Variants in ABHD16B observed in about 807,000 individuals in gnomAD.
ABHD16B encodes abhydrolase domain-containing protein 16B.
ABHD16B carries 14 observed loss-of-function variants against 10.5 expected under a neutral mutation model. The observed-to-expected ratio is 1.33, with a 90% CI of 0.88 to 2.08. ABHD16B has a LOEUF of 2.08. Ranked by LOEUF, ABHD16B falls within the 30% of genes most tolerant of loss-of-function variation. The pLI is 0.00. For missense variants in ABHD16B, 763 were observed against 717.4 expected, an observed-to-expected ratio of 1.06 and a Z score of -0.73; for synonymous variants, 374 against 337.9, an observed-to-expected ratio of 1.11 and a Z score of -1.17.
Position 63,862,322 on chromosome 20 carries a change from C to T in ABHD16B, c.782C>T (p.Pro261Leu), listed in dbSNP as rs1318817385. 1 of 1,612,272 alleles carries T rather than the reference C, an allele frequency of 6.2e-7. No homozygotes were observed. The highest frequency in any genetic ancestry group is 1.7e-5 in the Admixed American group (1 of 59,986). ...FTATWATMTYPELGALVLDAT... is the reference protein window; with the variant it reads ...FTATWATMTYLELGALVLDAT... ...GCCACCTGGGCCACCATGACCTACC[C>T]GGAGCTGGGTGCACTGGTGCTGGAC... Residue 261 changes from proline to leucine, a missense_variant, in exon 1 of 1, where the codon CCG becomes CTG. Pro to Leu is a moderately conservative substitution (Grantham distance 98). Coordinates refer to ENST00000369916, the MANE Select transcript of ABHD16B (RefSeq NM_080622.4). The surrounding 1 kb of genome is among the most constrained non-coding windows in gnomAD (Gnocchi z 7.5).
chr20:63,862,422 C>A lies in ABHD16B; in HGVS notation c.882C>A (p.Thr294=). The A allele has an allele frequency of 6.3e-7, 1 of 1,583,706 alleles. No homozygotes were observed. The highest frequency in any genetic ancestry group is 2.3e-5 in the East Asian group (1 of 43,418). ...GTTGGAAGGGGCTGGTGGTGCGCAC[C>A]GTGCGCGAGCACTTCAACCTCAACG... is the stretch of plus-strand genomic sequence containing the variant. The part of the protein sequence containing the change: ...PHSWKGLVVR[T]VREHFNLNVA... The change falls in exon 1 of 1, where the codon ACC becomes ACA. Residue 294 remains threonine, a synonymous_variant. Coordinates refer to ENST00000369916, the MANE Select transcript of ABHD16B (RefSeq NM_080622.4). This position sits in a 1 kb window ranked among gnomAD's most constrained non-coding sequence, Gnocchi z 7.5.
At position 63,862,168 on chromosome 20, in the gene ABHD16B, A is replaced by T; in HGVS notation, c.628A>T (p.Ser210Cys). 3 of 1,611,410 alleles carry T rather than the reference A, an allele frequency of 1.9e-6. No homozygotes were observed. Among genetic ancestry groups the T allele is most frequent in the Non-Finnish European group, 2.5e-6 (3 of 1,179,658 alleles). The change falls in exon 1 of 1, where the codon AGC becomes TGC. Residue 210 changes from serine (S) to cysteine (C), a missense_variant. Coordinates refer to ENST00000369916, the MANE Select transcript of ABHD16B (RefSeq NM_080622.4). The surrounding 1 kb of genome is among the most constrained non-coding windows in gnomAD (Gnocchi z 7.5). ...CTGGAACCACCCCGGCTTCGGCAGC[A>T]GCACTGGCGTGCCCTTCCCTCAGCA... ...LGWNHPGFGS[S>C]TGVPFPQHDA...
Position 63,862,000 on chromosome 20 carries a change from G to A in ABHD16B, c.460G>A (p.Asp154Asn), listed in dbSNP as rs150896612. The A allele has an allele frequency of 5.6e-6, 9 of 1,600,830 alleles. No homozygotes were observed. The highest frequency in any genetic ancestry group is 7.6e-6 in the Non-Finnish European group (9 of 1,177,630). The change falls in exon 1 of 1, where the codon GAC (aspartate) becomes AAC (asparagine). Residue 154 changes from aspartate to asparagine, a missense_variant. Coordinates refer to ENST00000369916, the MANE Select transcript of ABHD16B (RefSeq NM_080622.4). This position sits in a 1 kb window ranked among gnomAD's most constrained non-coding sequence, Gnocchi z 5.4. ...KLVACDGNEIDTMFMDRRQHP... is the reference protein window; with the variant it reads ...KLVACDGNEINTMFMDRRQHP... Reference sequence around the variant, plus strand: ...GGTGGCCTGTGACGGCAACGAGATCGACACTATGTTCATGGACCGCCGCCA... The same window carrying A: ...GGTGGCCTGTGACGGCAACGAGATCAACACTATGTTCATGGACCGCCGCCA...
Position 63,861,674 on chromosome 20 carries a change from G to T in ABHD16B, c.134G>T (p.Ser45Ile). ...GACGTGCGCGCCGTGGGCCGGAGCA[G>T]CAGCCACCGGGCGCTGACCTGCGCG... ...WDDVRAVGRSSSHRALTCAAA... is the reference protein window; with the variant it reads ...WDDVRAVGRSISHRALTCAAA... The change falls in exon 1 of 1, where the codon AGC (serine) becomes ATC (isoleucine). Residue 45 changes from serine to isoleucine, a missense_variant. Physicochemically the swap from Ser to Ile is moderately radical, Grantham distance 142. Transcript: ENST00000369916. This position sits in a 1 kb window ranked among gnomAD's most constrained non-coding sequence, Gnocchi z 5.4. 1 of 1,533,874 alleles carries T rather than the reference G, an allele frequency of 6.5e-7. No individual in the cohort carries two copies. The highest frequency in any genetic ancestry group is 2.5e-5 in the East Asian group (1 of 40,326).
chr20:63,861,613 C>T lies in ABHD16B; in HGVS notation c.73C>T (p.Pro25Ser), dbSNP rs1206692710. 1 of 1,555,106 alleles carries T rather than the reference C, an allele frequency of 6.4e-7. No homozygotes were observed. The highest frequency in any genetic ancestry group is 2.4e-5 in the East Asian group (1 of 41,592). The change falls in exon 1 of 1, where the codon CCA (proline) becomes TCA (serine). Residue 25 changes from proline to serine, a missense_variant. Coordinates refer to ENST00000369916, the MANE Select transcript of ABHD16B (RefSeq NM_080622.4). The surrounding 1 kb of genome is among the most constrained non-coding windows in gnomAD (Gnocchi z 5.4). ...KIYLTASYTY[P>S]FRGWPVAFRW... is the part of the protein sequence containing the mutation. ...CTACCTGACCGCCAGCTACACCTAC[C>T]CATTCCGCGGCTGGCCCGTGGCCTT...
At position 63,861,949 on chromosome 20, in the gene ABHD16B, C is replaced by G. The variant is rs1458122994; in HGVS notation, c.409C>G (p.Arg137Gly). The G allele has an allele frequency of 1.3e-6, 2 of 1,597,314 alleles. No individual in the cohort carries two copies. The highest frequency in any genetic ancestry group is 1.3e-5 in the African/African-American group (1 of 74,650). Residue 137 changes from arginine (R) to glycine (G), a missense_variant, in exon 1 of 1, where the codon CGC becomes GGC. Coordinates refer to ENST00000369916, the MANE Select transcript of ABHD16B (RefSeq NM_080622.4). This position sits in a 1 kb window ranked among gnomAD's most constrained non-coding sequence, Gnocchi z 5.4. ...LQQGQERLVE[R>G]YHGRRAKLVA... is the part of the protein sequence containing the mutation. ...GCAGGGCCAAGAGCGCCTCGTGGAG[C>G]GCTACCACGGCCGGCGCGCCAAGCT...
In ABHD16B at chr20:63,862,444, A is replaced by T. The variant is rs764358734; in HGVS notation, c.904A>T (p.Asn302Tyr). ...VRTVREHFNL[N>Y]VAEQLCCYPG... Reference sequence around the variant, plus strand: ...CACCGTGCGCGAGCACTTCAACCTCAACGTGGCCGAGCAGCTGTGCTGCTA... The same window carrying T: ...CACCGTGCGCGAGCACTTCAACCTCTACGTGGCCGAGCAGCTGTGCTGCTA... Residue 302 changes from asparagine (N) to tyrosine (Y), a missense_variant, in exon 1 of 1, where the codon AAC becomes TAC. Asn to Tyr is a moderately radical substitution (Grantham distance 143). Coordinates refer to ENST00000369916, the MANE Select transcript of ABHD16B (RefSeq NM_080622.4). This position sits in a 1 kb window ranked among gnomAD's most constrained non-coding sequence, Gnocchi z 7.5. 8 of 1,571,730 alleles carry T rather than the reference A, an allele frequency of 5.1e-6. No individual in the cohort carries two copies. The South Asian group carries it at 9.2e-5, about 18-fold the overall frequency.
In ABHD16B at chr20:63,862,477, C is replaced by G; in HGVS notation, c.937C>G (p.Pro313Ala). ...VAEQLCCYPG[P>A]VLLLRRTQDD... is the part of the protein sequence containing the mutation. ...CGAGCAGCTGTGCTGCTACCCGGGGCCGGTGCTGCTGCTCCGACGCACGCA... is the reference window on the plus strand; with the variant it reads ...CGAGCAGCTGTGCTGCTACCCGGGGGCGGTGCTGCTGCTCCGACGCACGCA... The change falls in exon 1 of 1, where the codon CCG becomes GCG. Residue 313 changes from proline (P) to alanine (A), a missense_variant. Physicochemically the swap from Pro to Ala is conservative, Grantham distance 27. Coordinates refer to ENST00000369916, the MANE Select transcript of ABHD16B (RefSeq NM_080622.4). This position sits in a 1 kb window ranked among gnomAD's most constrained non-coding sequence, Gnocchi z 7.5. The G allele has an allele frequency of 6.4e-7, 1 of 1,564,340 alleles. No homozygotes were observed. The highest frequency in any genetic ancestry group is 1.2e-5 in the South Asian group (1 of 86,788).
chr20:63,862,372 C>T lies in ABHD16B; in HGVS notation c.832C>T (p.Leu278=), dbSNP rs1401353241. ...CGCCACCTTCGACGACCTTGTGCCG[C>T]TGGCGCTGAAGGTCATGCCCCACAG... is the stretch of plus-strand genomic sequence containing the variant. ...LDATFDDLVP[L]ALKVMPHSWK... Residue 278 remains leucine, a synonymous_variant, in exon 1 of 1, where the codon CTG becomes TTG. Coordinates refer to ENST00000369916, the MANE Select transcript of ABHD16B (RefSeq NM_080622.4). The surrounding 1 kb of genome is among the most constrained non-coding windows in gnomAD (Gnocchi z 7.5). 6.2e-7 allele frequency: 1 copy of T among 1,609,256 alleles called. No homozygotes were observed. Among genetic ancestry groups the T allele is most frequent in the African/African-American group, 1.3e-5 (1 of 75,012 alleles).
Position 63,861,999 on chromosome 20 carries a change from C to T in ABHD16B, c.459C>T (p.Ile153=). Residue 153 remains isoleucine (I), a synonymous_variant, in exon 1 of 1, where the codon ATC becomes ATT. Coordinates refer to ENST00000369916, the MANE Select transcript of ABHD16B (RefSeq NM_080622.4). This position sits in a 1 kb window ranked among gnomAD's most constrained non-coding sequence, Gnocchi z 5.4. ...AKLVACDGNE[I]DTMFMDRRQH... ...TGGTGGCCTGTGACGGCAACGAGATCGACACTATGTTCATGGACCGCCGCC... is the reference window on the plus strand; with the variant it reads ...TGGTGGCCTGTGACGGCAACGAGATTGACACTATGTTCATGGACCGCCGCC... 1.9e-6 allele frequency: 3 copies of T among 1,604,612 alleles called. No homozygotes were observed. Among genetic ancestry groups the T allele is most frequent in the Non-Finnish European group, 1.7e-6 (2 of 1,179,156 alleles).
At position 63,861,641 on chromosome 20, in the gene ABHD16B, G is replaced by A. The variant is rs2052082410; in HGVS notation, c.101G>A (p.Arg34His). The change falls in exon 1 of 1, where the codon CGC becomes CAC. Residue 34 changes from arginine to histidine, a missense_variant. Physicochemically the swap from Arg to His is conservative, Grantham distance 29. Coordinates refer to ENST00000369916, the MANE Select transcript of ABHD16B (RefSeq NM_080622.4). The surrounding 1 kb of genome is among the most constrained non-coding windows in gnomAD (Gnocchi z 5.4). ...TTCCGCGGCTGGCCCGTGGCCTTCC[G>A]CTGGGATGACGTGCGCGCCGTGGGC... ...YPFRGWPVAF[R>H]WDDVRAVGRS... The A allele has an allele frequency of 4.5e-6, 7 of 1,546,494 alleles. No individual in the cohort carries two copies. In the South Asian group the frequency reaches 5.9e-5, roughly 13 times the overall value.
rs199797969 is a variant in ABHD16B, at chr20:63,861,549, C to T, written c.9C>T (p.Val3=). The change falls in exon 1 of 1, where the codon GTC becomes GTT. Residue 3 remains valine (V), a synonymous_variant. Coordinates refer to ENST00000369916, the MANE Select transcript of ABHD16B (RefSeq NM_080622.4). The surrounding 1 kb of genome is among the most constrained non-coding windows in gnomAD (Gnocchi z 5.4). MC[V]ICFVKALVRV... is the part of the protein sequence containing the mutation. ...CGTTAGGGCCACCGCTCATGTGCGT[C>T]ATCTGCTTCGTGAAGGCGCTGGTGC... 7 of 1,553,020 alleles carry T rather than the reference C, an allele frequency of 4.5e-6. No individual in the cohort carries two copies. The East Asian group carries it at 1.7e-4, about 37-fold the overall frequency.
At position 63,862,659 on chromosome 20, in the gene ABHD16B, C is replaced by T. The variant is rs768100914; in HGVS notation, c.1119C>T (p.Arg373=). 6 of 1,536,908 alleles carry T rather than the reference C, an allele frequency of 3.9e-6. No individual in the cohort carries two copies. The highest frequency in any genetic ancestry group is 3.6e-5 in the South Asian group (3 of 84,038). The change falls in exon 1 of 1, where the codon CGC becomes CGT. Residue 373 remains arginine (R), a synonymous_variant. Transcript: ENST00000369916. The surrounding 1 kb of genome is among the most constrained non-coding windows in gnomAD (Gnocchi z 7.5). ...GCGCCGTCGTCACCCGCTGGCTGCGCGCTGGCAGCTTGGCGCAGGAGGCCG... is the reference window on the plus strand; with the variant it reads ...GCGCCGTCGTCACCCGCTGGCTGCGTGCTGGCAGCTTGGCGCAGGAGGCCG... The part of the protein sequence containing the change: ...EGRAVVTRWL[R]AGSLAQEAAF...
At position 63,862,887 on chromosome 20, in the gene ABHD16B, C is replaced by G; in HGVS notation, c.1347C>G (p.Asn449Lys). ...ALFLARKHLK[N>K]VEATHFSPLE... ...TCCTGGCTCGGAAGCACCTCAAGAA[C>G]GTGGAGGCGACTCACTTCAGCCCTC... is the stretch of plus-strand genomic sequence containing the variant. Residue 449 changes from asparagine to lysine, a missense_variant, in exon 1 of 1, where the codon AAC becomes AAG. Asn to Lys is a moderately conservative substitution (Grantham distance 94, BLOSUM62 0). Transcript: ENST00000369916. This position sits in a 1 kb window ranked among gnomAD's most constrained non-coding sequence, Gnocchi z 7.5. 1 of 1,537,504 alleles carries G rather than the reference C, an allele frequency of 6.5e-7. No individual in the cohort carries two copies. The highest frequency in any genetic ancestry group is 2.5e-5 in the East Asian group (1 of 40,788).
In ABHD16B at chr20:63,862,241, T is replaced by C. The variant is rs755152214; in HGVS notation, c.701T>C (p.Leu234Pro). Residue 234 changes from leucine (L) to proline (P), a missense_variant, in exon 1 of 1, where the codon CTG (leucine) becomes CCG (proline). Leu to Pro is a moderately conservative substitution (Grantham distance 98, BLOSUM62 -3). Coordinates refer to ENST00000369916, the MANE Select transcript of ABHD16B (RefSeq NM_080622.4). This position sits in a 1 kb window ranked among gnomAD's most constrained non-coding sequence, Gnocchi z 7.5. ...DVVVEYALHRLHFPPAHLVVY... is the reference protein window; with the variant it reads ...DVVVEYALHRPHFPPAHLVVY... ...GTGGTCGAGTACGCACTGCACCGCCTGCACTTCCCGCCCGCGCACCTGGTG... is the reference window on the plus strand; with the variant it reads ...GTGGTCGAGTACGCACTGCACCGCCCGCACTTCCCGCCCGCGCACCTGGTG... The C allele has an allele frequency of 1.9e-6, 3 of 1,611,860 alleles. No homozygotes were observed. Among genetic ancestry groups the C allele is most frequent in the Non-Finnish European group, 2.5e-6 (3 of 1,179,678 alleles).
chr20:63,862,174 G>A lies in ABHD16B; in HGVS notation c.634G>A (p.Gly212Ser), dbSNP rs748256523. Reference sequence around the variant, plus strand: ...CCACCCCGGCTTCGGCAGCAGCACTGGCGTGCCCTTCCCTCAGCACGACGC... The same window carrying A: ...CCACCCCGGCTTCGGCAGCAGCACTAGCGTGCCCTTCCCTCAGCACGACGC... ...WNHPGFGSSTGVPFPQHDANA... is the reference protein window; with the variant it reads ...WNHPGFGSSTSVPFPQHDANA... The change falls in exon 1 of 1, where the codon GGC becomes AGC. Residue 212 changes from glycine to serine, a missense_variant. Coordinates refer to ENST00000369916, the MANE Select transcript of ABHD16B (RefSeq NM_080622.4). The surrounding 1 kb of genome is among the most constrained non-coding windows in gnomAD (Gnocchi z 7.5). The A allele has an allele frequency of 3.1e-6, 5 of 1,611,336 alleles. No homozygotes were observed. The highest frequency in any genetic ancestry group is 3.4e-6 in the Non-Finnish European group (4 of 1,179,656).
chr20:63,862,185 C>T lies in ABHD16B; in HGVS notation c.645C>T (p.Phe215=), dbSNP rs1249082061. ...PGFGSSTGVP[F]PQHDANAMDV... ...TCGGCAGCAGCACTGGCGTGCCCTT[C>T]CCTCAGCACGACGCCAACGCCATGG... Residue 215 remains phenylalanine (F), a synonymous_variant, in exon 1 of 1, where the codon TTC becomes TTT. Transcript: ENST00000369916. This position sits in a 1 kb window ranked among gnomAD's most constrained non-coding sequence, Gnocchi z 7.5. 1 of 1,611,354 alleles carries T rather than the reference C, an allele frequency of 6.2e-7. No individual in the cohort carries two copies. Among genetic ancestry groups the T allele is most frequent in the East Asian group, 2.2e-5 (1 of 44,856 alleles).
chr20:63,862,968 G>T lies in ABHD16B; in HGVS notation c.*18G>T. The T allele has an allele frequency of 7.0e-7, 1 of 1,425,582 alleles. No individual in the cohort carries two copies. The allele number at this position is 1,425,582 out of a possible 1,614,324, so 88.3% of individuals were successfully genotyped here. On this transcript the variant is annotated 3_prime_UTR_variant, in exon 1 of 1. Transcript: ENST00000369916. This position sits in a 1 kb window ranked among gnomAD's most constrained non-coding sequence, Gnocchi z 7.5. ...GGCTGTAACCTATATGCCCCAGTGG[G>T]GGATCACGCACTTGAACTCCTGGCC...
chr20:63,862,609 C>T lies in ABHD16B; in HGVS notation c.1069C>T (p.Pro357Ser), dbSNP rs1206782418. Residue 357 changes from proline (P) to serine (S), a missense_variant, in exon 1 of 1, where the codon CCC (proline) becomes TCC (serine). Physicochemically the swap from Pro to Ser is moderately conservative, Grantham distance 74. Transcript: ENST00000369916. The surrounding 1 kb of genome is among the most constrained non-coding windows in gnomAD (Gnocchi z 7.5). ...GCTGCGCCTGCTGGAGCACCGCTAC[C>T]CCGTCGTGATGGCGCGAGAGGGCCG... ...LLLRLLEHRYPVVMAREGRAV... is the reference protein window; with the variant it reads ...LLLRLLEHRYSVVMAREGRAV... 3 of 1,553,008 alleles carry T rather than the reference C, an allele frequency of 1.9e-6. No individual in the cohort carries two copies. The highest frequency in any genetic ancestry group is 2.6e-6 in the Non-Finnish European group (3 of 1,154,642).
Sources: gnomAD v4.1 joint callset for allele counts on GRCh38, gnomAD v4.1.1 for gene constraint, Gnocchi (gnomAD v3.1) non-coding constraint, MANE v1.5 for transcripts, NCBI Gene and HGNC (gene_info 2026-07-23, HGNC 2026-07-21) for gene names.